The following NFKB1 variants were observed in gnomAD, a reference collection of about 807,000 sequenced individuals.
The protein encoded by NFKB1 is nuclear factor kappa B subunit 1.
NFKB1 carries 9 observed loss-of-function variants against 105.1 expected under a neutral mutation model. The ratio of observed to expected loss-of-function variants is 0.09; its 90% confidence interval spans 0.05 to 0.15. NFKB1 has a LOEUF of 0.15. NFKB1 is among the 10% of genes least tolerant of loss of function. NFKB1 has a pLI of 1.00. For synonymous variants in NFKB1, 440 were observed against 442.2 expected (o/e 1.00, Z 0.06); for missense variants, 830 against 1,203.7 (o/e 0.69, Z 4.59).
At chr4:102,554,716 A>C (rs1222174610) in intron 5 of NFKB1, among the ~76,000 whole-genome samples, 1 of 152,046 alleles carries the variant, frequency 6.6e-6, no homozygotes, top group East Asian at 1.9e-4. Context: ...TGTCTTGCGG[A>C]GTCTCCCTGC....
chr4:102,549,123 T>C (rs193177123), intron 5 of NFKB1, among the ~76,000 whole-genome samples: 5 of 152,202 alleles, frequency 3.3e-5, no homozygotes, highest in Admixed American at 6.5e-5. Flanking sequence ...ATCATAGAAA[T>C]ACTCAATTAG....
intron 11 of NFKB1, 53 bp downstream of exon 11, chr4:102,584,873 G>T (rs1049515659): frequency 2.6e-6 from 4 of 1,516,284 alleles, no homozygotes; most frequent in Admixed American, 2.0e-5. Flanking sequence ...TTTTATTTTT[G>T]GTTTTTGTTT....
chr4:102,510,694 A>G (rs889583946), intron 1 of NFKB1, among the ~76,000 whole-genome samples: 1 of 152,194 alleles, frequency 6.6e-6, no homozygotes, highest in Non-Finnish European at 1.5e-5. Flanking sequence ...TTTCATTATT[A>G]TTCAGTCTCT....
chr4:102,613,793 A>G (rs2149233235), intron 23 of NFKB1, among the ~76,000 whole-genome samples: 1 of 152,230 alleles, frequency 6.6e-6, no homozygotes, highest in East Asian at 1.9e-4. Context: ...ACATTGACAC[A>G]TGAACTACTT....
intron 5 of NFKB1, among the ~76,000 whole-genome samples, chr4:102,553,072 A>G (rs1722738523): frequency 6.6e-6 from 1 of 152,196 alleles, no homozygotes; most frequent in Non-Finnish European, 1.5e-5. Context: ...TCACAATAGA[A>G]TAGTTGAAAT....
intron 16 of NFKB1, among the ~76,000 whole-genome samples, chr4:102,602,358 G>A (rs1346423171): frequency 1.3e-5 from 2 of 149,500 alleles, no homozygotes; most frequent in Non-Finnish European, 1.5e-5. Flanking sequence ...GTGAAACCCC[G>A]TCTCTACTAG....
chr4:102,567,681 G>A (rs935466027), intron 6 of NFKB1, among the ~76,000 whole-genome samples: 1 of 152,114 alleles, frequency 6.6e-6, no homozygotes, highest in African/African-American at 2.4e-5. Flanking sequence ...GCATTCATTA[G>A]GCTTGAAATG....
chr4:102,594,493 A>G (rs1184529017), intron 12 of NFKB1, among the ~76,000 whole-genome samples: 2 of 152,132 alleles, frequency 1.3e-5, no homozygotes, highest in Admixed American at 6.5e-5. Flanking sequence ...CCATTTTTCC[A>G]TTGAGGAGTC....
At chr4:102,541,580 GGA>G (rs1742001745) in intron 5 of NFKB1, among the ~76,000 whole-genome samples, 1 of 152,292 alleles carries the variant, frequency 6.6e-6, no homozygotes, top group South Asian at 2.1e-4. Context: ...AAGTGAAAGT[GGA>G]GAGTTAGGTC....
At chr4:102,559,985 G>T (rs1378863941) in intron 5 of NFKB1, among the ~76,000 whole-genome samples, 1 of 150,196 alleles carries the variant, frequency 6.7e-6, no homozygotes, top group East Asian at 1.9e-4. Flanking sequence ...ATAAGAAATG[G>T]CACTAGAATA....
chr4:102,598,965 G>A (rs920573074), intron 15 of NFKB1, among the ~76,000 whole-genome samples: 3 of 152,184 alleles, frequency 2.0e-5, no homozygotes, highest in Admixed American at 6.5e-5. Context: ...CATAGGTATA[G>A]GGCAGCTTTT....
chr4:102,517,007 C>T (rs230537), intron 1 of NFKB1, among the ~76,000 whole-genome samples: 151,918 of 152,310 alleles, frequency 1, 75,781 homozygotes, highest in Middle Eastern at 1. Flanking sequence ...ATATGATGTC[C>T]GGAATTTCCA....
At chr4:102,570,464 A>T (rs1054761917) in intron 6 of NFKB1, among the ~76,000 whole-genome samples, 1 of 151,984 alleles carries the variant, frequency 6.6e-6, no homozygotes, top group Non-Finnish European at 1.5e-5. Context: ...TATGTTATTG[A>T]TAGGGAATTT....
intron 4 of NFKB1, among the ~76,000 whole-genome samples, chr4:102,535,102 A>T (rs17032763): frequency 1.3e-5 from 2 of 152,042 alleles, no homozygotes; most frequent in Admixed American, 1.3e-4. Flanking sequence ...CTCTACCTCC[A>T]TGTTCAACTC....
At chr4:102,613,713 C>T in intron 23 of NFKB1, 132 bp downstream of exon 23, 1 of 1,080,386 alleles carries the variant, frequency 9.3e-7, no homozygotes, top group Non-Finnish European at 1.3e-6. Context: ...TGTCTCTCTA[C>T]CCCCTGGGCT....
chr4:102,559,940 TAA>T (rs373643720), intron 5 of NFKB1, among the ~76,000 whole-genome samples: 14 of 130,692 alleles, frequency 1.1e-4, no homozygotes, highest in Non-Finnish European at 9.9e-5. Flanking sequence ...CCTGTCCCTT[TAA>T]AAAAAAAAAA....
chr4:102,530,002 A>C, intron 3 of NFKB1, 88 bp downstream of exon 3: 1 of 877,044 alleles, frequency 1.1e-6, no homozygotes. Context: ...CTAGAAACTC[A>C]GTTGTGTACC....
intron 1 of NFKB1, among the ~76,000 whole-genome samples, chr4:102,515,090 ATATTAT>A (rs1422166284): frequency 1.6e-4 from 21 of 130,926 alleles, no homozygotes; most frequent in Middle Eastern, 4.0e-3. Context: ...GTTCCATGTA[ATATTAT>A]TATTATTATT....
At chr4:102,566,953 A>G in intron 5 of NFKB1, 34 bp from the exon 6 acceptor site, 1 of 1,611,252 alleles carries the variant, frequency 6.2e-7, no homozygotes, top group Non-Finnish European at 8.5e-7. Context: ...GGAGAGTCAG[A>G]TATGCTAACT....
Sources: gnomAD v4.1 joint callset for allele counts (sites outside exome capture counted in the v4.1 genomes callset) on GRCh38, gnomAD v4.1.1 for gene constraint, MANE v1.5 for transcripts, NCBI Gene and HGNC (gene_info 2026-07-23, HGNC 2026-07-21) for gene names.